The following SLC25A48 variants were observed in gnomAD, a reference collection of about 807,000 sequenced individuals.
SLC25A48 encodes the protein solute carrier family 25 member 48.
Under a neutral mutation model 32.2 loss-of-function variants are expected in SLC25A48, and 29 were observed. That is an observed-to-expected ratio of 0.90 (90% confidence interval 0.67 to 1.23). The LOEUF (loss-of-function observed/expected upper bound fraction) is 1.23. Ranked by LOEUF, SLC25A48 falls within the 50% of genes most tolerant of loss-of-function variation. The pLI is 0.00. For missense variants in SLC25A48, 399 were observed against 422.7 expected (o/e 0.94, Z 0.49); for synonymous variants, 164 against 172.3 (o/e 0.95, Z 0.38).
chr5:135,617,837 T>C (rs1223960396), intron 1 of SLC25A48, among the ~76,000 whole-genome samples: 1 of 151,970 alleles, frequency 6.6e-6, no homozygotes, highest in Admixed American at 6.6e-5. Context: ...TTAAAAAAAG[T>C]TTTTTGAGAC....
intron 4 of SLC25A48, among the ~76,000 whole-genome samples, chr5:135,862,831 G>A (rs940128185): frequency 2.0e-5 from 3 of 152,160 alleles, no homozygotes; most frequent in African/African-American, 7.2e-5. Flanking sequence ...ATGCAGGGAT[G>A]GTGGGGGTTT....
chr5:135,628,881 G>T (rs185810476), intron 1 of SLC25A48, among the ~76,000 whole-genome samples: 20 of 152,292 alleles, frequency 1.3e-4, no homozygotes, highest in Non-Finnish European at 2.2e-4. Context: ...TAATAATGGA[G>T]ATTTGTGGGA....
intron 3 of SLC25A48, among the ~76,000 whole-genome samples, chr5:135,785,171 G>A (rs926686926): frequency 1.3e-5 from 2 of 152,162 alleles, no homozygotes; most frequent in Non-Finnish European, 2.9e-5. Context: ...ATGTAGGAAG[G>A]GAGATAATAT....
chr5:135,850,973 G>A (rs1759809297), intron 3 of SLC25A48, among the ~76,000 whole-genome samples: 1 of 152,170 alleles, frequency 6.6e-6, no homozygotes, highest in Non-Finnish European at 1.5e-5. Context: ...ACTGAATGAT[G>A]CTTTGTAGAA....
intron 3 of SLC25A48, chr5:135,648,932 C>A (rs562416664): frequency 6.6e-6 from 1 of 152,366 alleles, no homozygotes; most frequent in East Asian, 1.9e-4. Context: ...AGAACTGGGG[C>A]AAACCAGCAG....
At chr5:135,773,572 C>G (rs534886675) in intron 3 of SLC25A48, among the ~76,000 whole-genome samples, 2 of 151,414 alleles carry the variant, frequency 1.3e-5, no homozygotes, top group South Asian at 4.2e-4. Flanking sequence ...GTATTACGAA[C>G]CATATATCAG....
At chr5:135,626,493 A>G (rs555190863) in intron 1 of SLC25A48, among the ~76,000 whole-genome samples, 3 of 152,334 alleles carry the variant, frequency 2.0e-5, no homozygotes, top group Non-Finnish European at 4.4e-5. Flanking sequence ...GGAAAAGAAG[A>G]ATCCATTTTA....
At chr5:135,821,138 C>A (rs939361005) in intron 4 of SLC25A48, among the ~76,000 whole-genome samples, 4 of 152,180 alleles carry the variant, frequency 2.6e-5, no homozygotes, top group Non-Finnish European at 5.9e-5. Flanking sequence ...GGTGCACTTT[C>A]TTACTTGAAG....
intron 2 of SLC25A48, among the ~76,000 whole-genome samples, chr5:135,632,507 GT>G (rs1314480939): frequency 6.6e-6 from 1 of 152,152 alleles, no homozygotes; most frequent in Non-Finnish European, 1.5e-5. Flanking sequence ...GAGAAGTCTA[GT>G]TTCTGGCCAG....
rs1581079008 is a variant in SLC25A48, at chr5:135,888,107, T to C, written c.*83T>C. On this transcript the variant is annotated 3_prime_UTR_variant, in exon 8 of 8. Coordinates refer to ENST00000681962, the MANE Select transcript of SLC25A48 (RefSeq NM_001349336.2). ...TGAAGCCCTGAGAGCTGCAGATGTT[T>C]GGCCTTTGGACCTCCAAGTGGACAT... The C allele has an allele frequency of 6.4e-7, 1 of 1,550,846 alleles. No individual in the cohort carries two copies. The highest frequency in any genetic ancestry group is 8.7e-7 in the Non-Finnish European group (1 of 1,146,290).
chr5:135,598,003 T>TA lies in SLC25A48; in HGVS notation c.-849+18416dup, dbSNP rs902238296. Among the ~76,000 whole-genome samples the TA allele has an allele frequency of 2.3e-3, 296 of 126,156 alleles. 1 individual carries two copies. Among genetic ancestry groups the TA allele is most frequent in the African/African-American group, 7.5e-3 (268 of 35,576 alleles). The allele number at this position is 126,156 out of a possible 152,430, so 82.8% of individuals were successfully genotyped here. ...TGGGTGACAGAGTGAGACTCTGTCT[T>TA]AAAAAAAAAATCAAACCAAAAAACA... is the stretch of plus-strand genomic sequence containing the variant. On this transcript the variant is annotated intron_variant, in intron 1 of 10. Transcript: ENST00000646290.
At chr5:135,594,948 G>T (rs558561256) in intron 1 of SLC25A48, among the ~76,000 whole-genome samples, 1 of 152,334 alleles carries the variant, frequency 6.6e-6, no homozygotes, top group East Asian at 1.9e-4. Flanking sequence ...GGGAAAGGGT[G>T]CTGGAAGTTC....
intron 3 of SLC25A48, among the ~76,000 whole-genome samples, chr5:135,723,380 T>TCTCACACACACACACA (rs1356362581): frequency 1.3e-3 from 145 of 111,752 alleles, no homozygotes; most frequent in Non-Finnish European, 2.0e-3. Context: ...TCTCTCTCTC[T>TCTCACACACACACACA]CACACACACA....
intron 3 of SLC25A48, among the ~76,000 whole-genome samples, chr5:135,645,672 G>A (rs1020228661): frequency 1.3e-5 from 2 of 152,268 alleles, no homozygotes; most frequent in Non-Finnish European, 2.9e-5. Flanking sequence ...GAGACTACTG[G>A]ACCCCACATG....
At chr5:135,766,174 G>A (rs1457374000) in intron 3 of SLC25A48, among the ~76,000 whole-genome samples, 1 of 151,170 alleles carries the variant, frequency 6.6e-6, no homozygotes, top group Non-Finnish European at 1.5e-5. Flanking sequence ...CCAATAACGC[G>A]GTTGGTGTAG....
chr5:135,583,152 A>G (rs1395881360), intron 1 of SLC25A48, among the ~76,000 whole-genome samples: 1 of 150,314 alleles, frequency 6.7e-6, no homozygotes, highest in Non-Finnish European at 1.5e-5. Flanking sequence ...TGCACAGGCT[A>G]CAAGGTTGCA....
intron 3 of SLC25A48, among the ~76,000 whole-genome samples, chr5:135,766,780 G>A (rs567840867): frequency 2.4e-4 from 36 of 149,992 alleles, no homozygotes; most frequent in African/African-American, 7.6e-4. Flanking sequence ...CATAATATAC[G>A]GGGTGGGAGA....
At chr5:135,745,808 G>T (rs1202798644) in intron 3 of SLC25A48, among the ~76,000 whole-genome samples, 1 of 152,178 alleles carries the variant, frequency 6.6e-6, no homozygotes, top group Non-Finnish European at 1.5e-5. Flanking sequence ...CACTTCTGTT[G>T]AATGAACGGA....
intron 1 of SLC25A48, among the ~76,000 whole-genome samples, chr5:135,621,960 G>A (rs943675058): frequency 6.6e-6 from 1 of 152,104 alleles, no homozygotes; most frequent in Non-Finnish European, 1.5e-5. Context: ...TATCTTTCAT[G>A]TTTATATAAG....
Sources: gnomAD v4.1 joint callset for allele counts (sites outside exome capture counted in the v4.1 genomes callset) on GRCh38, gnomAD v4.1.1 for gene constraint, MANE v1.5 for transcripts, NCBI Gene and HGNC (gene_info 2026-07-23, HGNC 2026-07-21) for gene names.